PXDN: variants seen among roughly 807,000 people sequenced by gnomAD.
PXDN encodes peroxidasin, also known as peroxidasin homolog.
A neutral mutation model predicts 140.3 loss-of-function variants in PXDN; 77 were observed. The observed-to-expected ratio is 0.55, with a 90% CI of 0.46 to 0.66. PXDN has a LOEUF of 0.66. PXDN is among the 30% of genes least tolerant of loss of function. The pLI is 0.00. For missense variants in PXDN, 1,838 were observed against 2,039.5 expected (o/e 0.90, Z 1.90); for synonymous variants, 911 against 857.4 (o/e 1.06, Z -1.09).
chr2:1,668,749 A>T (rs1457361866), intron 9 of PXDN, among the ~76,000 whole-genome samples: 1 of 152,246 alleles, frequency 6.6e-6, no homozygotes, highest in Non-Finnish European at 1.5e-5. Context: ...CCACAATGAG[A>T]TACCATCTCA....
chr2:1,710,498 C>T (rs1468076743), intron 1 of PXDN, among the ~76,000 whole-genome samples: 1 of 150,354 alleles, frequency 6.7e-6, no homozygotes. Context: ...ACCCACTCTC[C>T]ACTAGCACCC....
chr2:1,647,484 C>T (rs910767065), intron 17 of PXDN, among the ~76,000 whole-genome samples: 3 of 152,200 alleles, frequency 2.0e-5, no homozygotes, highest in African/African-American at 7.2e-5. Context: ...CCCACAGGGT[C>T]CGAGGTCTCC....
Position 1,649,805 on chromosome 2 carries a change from T to C in PXDN, c.2105-130A>G. The C allele has an allele frequency of 4.7e-6, 5 of 1,072,718 alleles. No individual in the cohort carries two copies. The highest frequency in any genetic ancestry group is 2.6e-5 in the East Asian group (1 of 38,966). 66.4% of individuals were successfully genotyped at this position (1,072,718 alleles called of 1,614,324 possible). On this transcript the variant is annotated intron_variant, in intron 16 of 22. Coordinates refer to ENST00000252804, the MANE Select transcript of PXDN (RefSeq NM_012293.3). This position sits in a 1 kb window ranked among gnomAD's most constrained non-coding sequence, Gnocchi z 7.1. ...AGCTCATGAAACCTGTTGTGCGCCA[T>C]GCAACAAGCGCTTCCTGCTGGAAAC...
chr2:1,664,727 GCTT>G, intron 11 of PXDN: 1 of 498,546 alleles, frequency 2.0e-6, no homozygotes, highest in Admixed American at 3.4e-5. Context: ...CAATGACAGA[GCTT>G]CTCAGAGTTT....
In PXDN at chr2:1,649,371, G is replaced by A; in HGVS notation, c.2409C>T (p.Ile803=). 2 of 1,613,980 alleles carry A rather than the reference G, an allele frequency of 1.2e-6. No individual in the cohort carries two copies. The highest frequency in any genetic ancestry group is 1.7e-6 in the Non-Finnish European group (2 of 1,179,892). The change falls in exon 17 of 23, where the codon ATC becomes ATT. Residue 803 remains isoleucine (I), a synonymous_variant. Transcript: ENST00000252804. This position sits in a 1 kb window ranked among gnomAD's most constrained non-coding sequence, Gnocchi z 7.1. ...CGTCGGGTGTGACGGTCTCCGTCCC[G>A]ATCAGGGTGGTGGACACCAGGCGCG... ...PMPRLVSTTL[I]GTETVTPDEQ...
chr2:1,673,861 G>C lies in PXDN; in HGVS notation c.849-49C>G, dbSNP rs375944239. ...GGTCAAGTGTTGAAAGCACAAAGACGTACCTCACCCATCCCCAGCACAGGG... is the reference window on the plus strand; with the variant it reads ...GGTCAAGTGTTGAAAGCACAAAGACCTACCTCACCCATCCCCAGCACAGGG... On this transcript the variant is annotated intron_variant, in intron 8 of 22. Coordinates refer to ENST00000252804, the MANE Select transcript of PXDN (RefSeq NM_012293.3). The C allele has an allele frequency of 4.7e-5, 75 of 1,592,274 alleles. No individual in the cohort carries two copies. The South Asian group carries it at 7.5e-4, about 16-fold the overall frequency.
rs533879368 is a variant in PXDN, at chr2:1,648,760, G to T, written c.3020C>A (p.Pro1007Gln). Residue 1007 changes from proline to glutamine, a missense_variant, in exon 17 of 23, where the codon CCG becomes CAG. Physicochemically the swap from Pro to Gln is moderately conservative, Grantham distance 76. Transcript: ENST00000252804. This position sits in a 1 kb window ranked among gnomAD's most constrained non-coding sequence, Gnocchi z 8.9. ...RIATELLKLN[P>Q]HWDGDTIYYE... is the part of the protein sequence containing the mutation. ...GTAGATGGTGTCGCCGTCCCAGTGC[G>T]GGTTCAGCTTGAGCAGCTCCGTGGC... 2 of 1,604,084 alleles carry T rather than the reference G, an allele frequency of 1.2e-6. No homozygotes were observed. The highest frequency in any genetic ancestry group is 4.5e-5 in the East Asian group (2 of 44,326).
chr2:1,702,992 G>A (rs28527205), intron 1 of PXDN, among the ~76,000 whole-genome samples: 45,577 of 98,400 alleles, frequency 0.46, 10,455 homozygotes, highest in African/African-American at 0.55. Flanking sequence ...AGGTGAAGGG[G>A]GGGACAACTC....
intron 17 of PXDN, among the ~76,000 whole-genome samples, chr2:1,647,621 C>A (rs746732481): frequency 6.6e-6 from 1 of 152,192 alleles, no homozygotes; most frequent in African/African-American, 2.4e-5. Context: ...CCATCTGTGG[C>A]GGTCATGGGC....
rs188402517 is a variant in PXDN, at chr2:1,712,558, T to G, written c.201-19424A>C. Among the ~76,000 whole-genome samples, 656 of 152,194 alleles carry G rather than the reference T, an allele frequency of 4.3e-3. 5 individuals are homozygous for G. Among genetic ancestry groups the G allele is most frequent in the African/African-American group, 0.015 (608 of 41,514 alleles). On this transcript the variant is annotated intron_variant, in intron 1 of 22. Coordinates refer to ENST00000252804, the MANE Select transcript of PXDN (RefSeq NM_012293.3). Reference sequence around the variant, plus strand: ...GGCAGAAAGGGGAGAAGAGTGGAAATCTAAATTTGCTAAATTCCTCTTCTT... The same window carrying G: ...GGCAGAAAGGGGAGAAGAGTGGAAAGCTAAATTTGCTAAATTCCTCTTCTT...
In PXDN at chr2:1,660,785, G is replaced by C; in HGVS notation, c.1837+96C>G. ...GGTGCTTTGTCTTCTGAATAATTCT[G>C]AACAGCCTAAGTCAACTGGCCTGGG... On this transcript the variant is annotated intron_variant, in intron 14 of 22. Transcript: ENST00000252804. The surrounding 1 kb of genome is among the most constrained non-coding windows in gnomAD (Gnocchi z 4.6). The C allele has an allele frequency of 6.9e-7, 1 of 1,440,594 alleles. No homozygotes were observed. The allele number at this position is 1,440,594 out of a possible 1,614,324, so 89.2% of individuals were successfully genotyped here. A position where few individuals can be genotyped will look rare whatever the true frequency, so the allele number is the denominator to read the frequency against.
At position 1,648,798 on chromosome 2, in the gene PXDN, C is replaced by T; in HGVS notation, c.2982G>A (p.Glu994=). The change falls in exon 17 of 23, where the codon GAG becomes GAA. Residue 994 remains glutamate, a synonymous_variant. Coordinates refer to ENST00000252804, the MANE Select transcript of PXDN (RefSeq NM_012293.3). This position sits in a 1 kb window ranked among gnomAD's most constrained non-coding sequence, Gnocchi z 8.9. ...LTSMHTLWFR[E]HNRIATELLK... ...GCAGCTCCGTGGCAATGCGGTTGTG[C>T]TCGCGGAACCACAGCGTGTGCATGC... 1 of 1,602,970 alleles carries T rather than the reference C, an allele frequency of 6.2e-7. No homozygotes were observed. Among genetic ancestry groups the T allele is most frequent in the Non-Finnish European group, 8.5e-7 (1 of 1,175,908 alleles).
intron 1 of PXDN, among the ~76,000 whole-genome samples, chr2:1,698,901 A>G (rs962172854): frequency 9.2e-5 from 14 of 152,182 alleles, no homozygotes; most frequent in Non-Finnish European, 1.9e-4. Flanking sequence ...ATTCATTTAC[A>G]TTTTACATTT....
chr2:1,735,071 C>T (rs1400103098), intron 1 of PXDN, among the ~76,000 whole-genome samples: 1 of 152,158 alleles, frequency 6.6e-6, no homozygotes, highest in East Asian at 1.9e-4. Flanking sequence ...ACACAACTCC[C>T]CCTCTGTTCT....
At chr2:1,647,991 C>G (rs572984425) in intron 17 of PXDN, among the ~76,000 whole-genome samples, 181 bp downstream of exon 17, 14 of 152,288 alleles carry the variant, frequency 9.2e-5, no homozygotes, top group African/African-American at 3.1e-4. Context: ...CCCCTCCCCA[C>G]AACCACGCAG....
chr2:1,701,587 C>T (rs538010948), intron 1 of PXDN, among the ~76,000 whole-genome samples: 18 of 151,234 alleles, frequency 1.2e-4, no homozygotes, highest in East Asian at 1.2e-3. Context: ...CGCAGAGAAG[C>T]GGGCTCAAGG....
chr2:1,738,220 C>T (rs941200024), intron 1 of PXDN, among the ~76,000 whole-genome samples: 2 of 151,914 alleles, frequency 1.3e-5, no homozygotes, highest in African/African-American at 4.9e-5. Flanking sequence ...GGAACTATCA[C>T]TATTAAAATA....
At chr2:1,684,373 G>A (rs1390020039) in intron 4 of PXDN, among the ~76,000 whole-genome samples, 11 of 152,254 alleles carry the variant, frequency 7.2e-5, no homozygotes, top group Admixed American at 5.9e-4. Flanking sequence ...CTGGATAAGG[G>A]CGAGGGAGGC....
chr2:1,666,076 G>A (rs1224280924), intron 10 of PXDN, 138 bp downstream of exon 10: 29 of 1,223,376 alleles, frequency 2.4e-5, no homozygotes, highest in Non-Finnish European at 3.3e-5. Context: ...CAAGGGGGGT[G>A]TAATGGATAA....
Sources: allele counts gnomAD v4.1 joint callset (sites outside exome capture counted in the v4.1 genomes callset), GRCh38; gene constraint gnomAD v4.1.1; non-coding constraint Gnocchi (gnomAD v3.1); transcripts MANE v1.5; gene names NCBI Gene and HGNC (gene_info 2026-07-23, HGNC 2026-07-21).